The following EHBP1 variants were observed in gnomAD, a reference collection of about 807,000 sequenced individuals.
The protein encoded by EHBP1 is EH domain binding protein 1, also known as EH domain-binding protein 1.
A neutral mutation model predicts 144.0 loss-of-function variants in EHBP1; 55 were observed. The observed-to-expected ratio is 0.38, with a 90% CI of 0.31 to 0.48. EHBP1 has a LOEUF of 0.48. EHBP1 is among the 20% of genes least tolerant of loss of function. The probability of loss-of-function intolerance (pLI) is 0.98; values close to 1 mark genes in which losing one functional copy is unlikely to be tolerated. For synonymous variants in EHBP1, 469 were observed against 472.7 expected (o/e 0.99, Z 0.10); for missense variants, 1,200 against 1,364.2 (o/e 0.88, Z 1.90).
chr2:62,755,312 G>A (rs2040175300), intron 3 of EHBP1, among the ~76,000 whole-genome samples: 2 of 152,038 alleles, frequency 1.3e-5, no homozygotes, highest in Non-Finnish European at 2.9e-5. Context: ...TTTGTTCATG[G>A]TGTTTTGTGT....
Position 62,696,798 on chromosome 2 carries a change from T to A in EHBP1, c.-295-10099T>A, listed in dbSNP as rs1413168955. Among the ~76,000 whole-genome samples, 4 of 152,122 alleles carry A rather than the reference T, an allele frequency of 2.6e-5. No homozygotes were observed. In the East Asian group the frequency reaches 7.7e-4, roughly 29 times the overall value. On this transcript the variant is annotated intron_variant, in intron 1 of 22. Coordinates refer to the EHBP1 transcript ENST00000405015. ...TGCCAAAGTGCTGGGATTACAGGCG[T>A]GAGCCACCACGCCTGACCTTTTTTT...
Position 62,949,055 on chromosome 2 carries a change from C to A in EHBP1, c.2209C>A (p.Leu737Ile). ...SKLGYSYSRD[L>I]DLAKKKHASL... ...ACTTGGATACTCATATAGTAGAGATCTAGACCTTGCTAAGAAAAAACATGC... is the reference window on the plus strand; with the variant it reads ...ACTTGGATACTCATATAGTAGAGATATAGACCTTGCTAAGAAAAAACATGC... Residue 737 changes from leucine to isoleucine, a missense_variant, in exon 13 of 23, where the codon CTA becomes ATA. This residue lies in a region of EHBP1 where 543 missense variants were observed against 513.1 expected (regional missense o/e 1.06). Coordinates refer to ENST00000431489, the MANE Select transcript of EHBP1 (RefSeq NM_001142616.3). The A allele has an allele frequency of 1.2e-6, 2 of 1,609,274 alleles. No homozygotes were observed. The highest frequency in any genetic ancestry group is 1.7e-6 in the Non-Finnish European group (2 of 1,178,974).
intron 19 of EHBP1, among the ~76,000 whole-genome samples, chr2:63,019,358 G>C (rs965488440): frequency 3.3e-5 from 5 of 152,314 alleles, no homozygotes; most frequent in Admixed American, 3.3e-4. Flanking sequence ...ATCCCAGCTA[G>C]AATCTGGGTG....
At chr2:62,838,751 T>C (rs1239231503) in intron 7 of EHBP1, among the ~76,000 whole-genome samples, 1 of 150,862 alleles carries the variant, frequency 6.6e-6, no homozygotes, top group Non-Finnish European at 1.5e-5. Flanking sequence ...AAGAAATGGA[T>C]ACATTCCTCG....
chr2:62,951,726 C>T (rs1426290826), intron 13 of EHBP1, among the ~76,000 whole-genome samples: 6 of 151,706 alleles, frequency 4.0e-5, no homozygotes, highest in African/African-American at 1.2e-4. Context: ...GGTTTCACCA[C>T]ATTGGCCAGG....
intron 11 of EHBP1, 23 bp from the exon 12 acceptor site, chr2:62,943,779 C>A: frequency 1.3e-6 from 2 of 1,548,774 alleles, no homozygotes; most frequent in Non-Finnish European, 1.8e-6. Flanking sequence ...TATATGTACC[C>A]ACTGTGCTAT....
intron 6 of EHBP1, among the ~76,000 whole-genome samples, chr2:62,830,191 C>G (rs1234608684): frequency 9.4e-6 from 1 of 106,182 alleles, no homozygotes; most frequent in African/African-American, 3.3e-5. Flanking sequence ...CACACACACA[C>G]ACACATATAT....
intron 14 of EHBP1, among the ~76,000 whole-genome samples, chr2:62,957,063 T>C (rs1408532999): frequency 6.6e-6 from 1 of 152,200 alleles, no homozygotes; most frequent in Non-Finnish European, 1.5e-5. Context: ...TAGTGGCAAA[T>C]TTCAGTTATG....
At chr2:62,825,159 C>T (rs916230120) in intron 5 of EHBP1, among the ~76,000 whole-genome samples, 8 of 151,224 alleles carry the variant, frequency 5.3e-5, no homozygotes, top group Admixed American at 3.9e-4. Context: ...ACACATTATC[C>T]TACATCTGAA....
At chr2:62,939,331 GTGGTGCAATCTC>G (rs1397668871) in intron 10 of EHBP1, among the ~76,000 whole-genome samples, 2 of 152,144 alleles carry the variant, frequency 1.3e-5, no homozygotes, top group Admixed American at 6.5e-5. Context: ...CTGGAGTGCA[GTGGTGCAATCTC>G]AGCTCACTGC....
intron 5 of EHBP1, among the ~76,000 whole-genome samples, chr2:62,825,536 G>A (rs867532553): frequency 2.0e-5 from 3 of 148,108 alleles, no homozygotes; most frequent in Middle Eastern, 3.4e-3. Flanking sequence ...ACTATGGACT[G>A]AACAATAAAA....
At chr2:62,674,613 A>G (rs2033219200) in intron 1 of EHBP1, among the ~76,000 whole-genome samples, 2 of 152,198 alleles carry the variant, frequency 1.3e-5, no homozygotes. Flanking sequence ...TAAGTTTTCT[A>G]TGATAAAACT....
intron 7 of EHBP1, among the ~76,000 whole-genome samples, chr2:62,836,208 G>T (rs1237251310): frequency 1.3e-5 from 2 of 152,070 alleles, no homozygotes; most frequent in Non-Finnish European, 2.9e-5. Flanking sequence ...AGCCTAACTG[G>T]GAGGCACCCC....
chr2:62,901,184 T>G (rs906760047), intron 10 of EHBP1, among the ~76,000 whole-genome samples: 25 of 152,318 alleles, frequency 1.6e-4, no homozygotes, highest in Admixed American at 2.6e-4. Flanking sequence ...GTTCCCGTAT[T>G]TTAGTCATGA....
At chr2:62,920,796 G>C (rs963599689) in intron 10 of EHBP1, among the ~76,000 whole-genome samples, 4 of 152,168 alleles carry the variant, frequency 2.6e-5, no homozygotes, top group African/African-American at 9.6e-5. Context: ...CCGAGTAGCT[G>C]CGATTACAGG....
chr2:62,814,304 G>A (rs2045279122), intron 5 of EHBP1, among the ~76,000 whole-genome samples: 1 of 152,212 alleles, frequency 6.6e-6, no homozygotes. Flanking sequence ...CTTGTCCTTT[G>A]GCATTCTGCC....
At chr2:62,981,809 T>G (rs535233760) in intron 15 of EHBP1, among the ~76,000 whole-genome samples, 1 of 152,302 alleles carries the variant, frequency 6.6e-6, no homozygotes, top group African/African-American at 2.4e-5. Flanking sequence ...GAAAGCCAGG[T>G]GAAATGAAGA....
intron 19 of EHBP1, among the ~76,000 whole-genome samples, chr2:63,018,572 T>C (rs1299398294): frequency 2.0e-5 from 3 of 152,212 alleles, no homozygotes; most frequent in Non-Finnish European, 4.4e-5. Context: ...TCTTCTCTCC[T>C]TGGCACTCAC....
intron 7 of EHBP1, among the ~76,000 whole-genome samples, chr2:62,838,782 C>G (rs1207858798): frequency 2.0e-5 from 3 of 148,516 alleles, no homozygotes; most frequent in Non-Finnish European, 4.5e-5. Flanking sequence ...TCTCCCAAGA[C>G]TAAACCAGGA....
Sources: allele counts gnomAD v4.1 joint callset (sites outside exome capture counted in the v4.1 genomes callset), GRCh38; gene constraint gnomAD v4.1.1; regional missense constraint gnomAD v4.1.1; transcripts MANE v1.5; gene names NCBI Gene and HGNC (gene_info 2026-07-23, HGNC 2026-07-21).